The following SPRED1 variants were observed in gnomAD, a reference collection of about 807,000 sequenced individuals.
SPRED1 encodes the protein sprouty related EVH1 domain containing 1.
A neutral mutation model predicts 52.3 loss-of-function variants in SPRED1; 18 were observed. The ratio of observed to expected loss-of-function variants is 0.34; its 90% CI spans 0.24 to 0.51. The LOEUF is 0.51. SPRED1 is among the 20% of genes least tolerant of loss of function. SPRED1 has a pLI of 0.97. For synonymous variants in SPRED1, 155 were observed against 179.7 expected, an observed-to-expected ratio of 0.86 and a Z score of 1.10; for missense variants, 485 against 551.0, an observed-to-expected ratio of 0.88 and a Z score of 1.20.
intron 1 of SPRED1, among the ~76,000 whole-genome samples, chr15:38,274,949 G>T (rs1256388418): frequency 6.6e-6 from 1 of 152,196 alleles, no homozygotes; most frequent in Non-Finnish European, 1.5e-5. Flanking sequence ...TTAAGAAGAT[G>T]TTTGTTTTGC....
At position 38,274,470 on chromosome 15, in the gene SPRED1, A is replaced by G. The variant is rs111692262; in HGVS notation, c.32+21253A>G. ...TTGTGAGATTTATGAAACTACATAT[A>G]TATTTATTCTCACTTTGAAATAATT... On this transcript the variant is annotated intron_variant, in intron 1 of 6. Transcript: ENST00000299084. Among the ~76,000 whole-genome samples the G allele has an allele frequency of 4.2e-4, 64 of 152,234 alleles. 1 individual carries two copies. The highest frequency in any genetic ancestry group is 5.9e-4 in the Admixed American group (9 of 15,282).
intron 5 of SPRED1, 64 bp downstream of exon 5, chr15:38,339,959 G>C: frequency 1.3e-6 from 2 of 1,597,574 alleles, no homozygotes; most frequent in Non-Finnish European, 1.7e-6. Context: ...TGATGTCATA[G>C]ATAAGGACGT....
chr15:38,338,307 T>TTTG, intron 4 of SPRED1, among the ~76,000 whole-genome samples: 1 of 149,774 alleles, frequency 6.7e-6, no homozygotes, highest in East Asian at 1.9e-4. Context: ...TGTTTTGTTT[T>TTTG]TTTTCTCCCA....
intron 2 of SPRED1, among the ~76,000 whole-genome samples, chr15:38,318,818 T>C (rs955961367): frequency 1.5e-4 from 23 of 152,192 alleles, no homozygotes; most frequent in African/African-American, 5.3e-4. Context: ...TATAAGTATA[T>C]ACATACCACA....
At chr15:38,310,113 CTTTGTGTG>C in intron 2 of SPRED1, among the ~76,000 whole-genome samples, 1 of 24,268 alleles carries the variant, frequency 4.1e-5, no homozygotes, top group East Asian at 1.4e-3. Context: ...TTAGACTATT[CTTTGTGTG>C]TGTGTGTGTG....
chr15:38,332,540 T>C (rs533853437), intron 4 of SPRED1, among the ~76,000 whole-genome samples: 1 of 152,290 alleles, frequency 6.6e-6, no homozygotes, highest in African/African-American at 2.4e-5. Context: ...GCCACTGCAT[T>C]CCACCCTGGG....
Position 38,293,928 on chromosome 15 carries a change from A to G in SPRED1, c.33-5445A>G, listed in dbSNP as rs181620652. ...AATATGAATACTAGTAATCTCCTAT[A>G]TTCCCATTATGTGGTAATGTATCTT... On this transcript the variant is annotated intron_variant, in intron 1 of 6. Transcript: ENST00000299084. Among the ~76,000 whole-genome samples, 5 of 152,256 alleles carry G rather than the reference A, an allele frequency of 3.3e-5. No individual in the cohort carries two copies. In the East Asian group the frequency reaches 9.7e-4, roughly 29 times the overall value.
chr15:38,309,851 T>G (rs1895325384), intron 2 of SPRED1, among the ~76,000 whole-genome samples: 1 of 152,214 alleles, frequency 6.6e-6, no homozygotes, highest in African/African-American at 2.4e-5. Context: ...TTGAAAAGAT[T>G]GGATTCCTCC....
chr15:38,314,076 T>C (rs936074014), intron 2 of SPRED1, among the ~76,000 whole-genome samples: 4 of 151,898 alleles, frequency 2.6e-5, no homozygotes, highest in Non-Finnish European at 5.9e-5. Flanking sequence ...ATAACAGTTA[T>C]ATTTGTCAAG....
chr15:38,271,895 T>TA (rs1894442973), intron 1 of SPRED1, among the ~76,000 whole-genome samples: 1 of 152,148 alleles, frequency 6.6e-6, no homozygotes, highest in Non-Finnish European at 1.5e-5. Flanking sequence ...TTTCAACCCT[T>TA]ACTTCCCTCC....
intron 1 of SPRED1, among the ~76,000 whole-genome samples, chr15:38,259,876 T>C (rs16966536): frequency 0.12 from 18,413 of 152,196 alleles, 1,916 homozygotes; most frequent in East Asian, 0.54. Context: ...TCTGTGAGAT[T>C]GTGTTTTTGC....
In SPRED1 at chr15:38,355,418, G is replaced by A. The variant is rs1452172094; in HGVS notation, c.*3754G>A. ...TGTATAGTGCCATCTGATATCTTGGGTAAGTCTTGCTTTTTCTTTTCTTTT... is the reference window on the plus strand; with the variant it reads ...TGTATAGTGCCATCTGATATCTTGGATAAGTCTTGCTTTTTCTTTTCTTTT... On this transcript the variant is annotated 3_prime_UTR_variant, in exon 7 of 7. Coordinates refer to ENST00000299084, the MANE Select transcript of SPRED1 (RefSeq NM_152594.3). The A allele has an allele frequency of 6.6e-6, 1 of 152,162 alleles. No individual in the cohort carries two copies. The highest frequency in any genetic ancestry group is 2.4e-5 in the African/African-American group (1 of 41,430). The allele number at this position is 152,162 out of a possible 1,614,324, so 9.4% of individuals were successfully genotyped here. A position where few individuals can be genotyped will look rare whatever the true frequency, so the allele number is the denominator to read the frequency against.
intron 1 of SPRED1, among the ~76,000 whole-genome samples, chr15:38,282,345 G>GCACACACA (rs1566854071): frequency 5.9e-5 from 1 of 16,874 alleles, no homozygotes; most frequent in Non-Finnish European, 2.2e-4. Flanking sequence ...ACACACACAT[G>GCACACACA]CACACACACA....
chr15:38,256,336 C>T (rs1177886960), intron 1 of SPRED1, among the ~76,000 whole-genome samples: 3 of 152,074 alleles, frequency 2.0e-5, no homozygotes, highest in Non-Finnish European at 4.4e-5. Context: ...ATAGATATAA[C>T]TGTACCATAT....
At chr15:38,274,723 C>T (rs1359307383) in intron 1 of SPRED1, among the ~76,000 whole-genome samples, 2 of 152,152 alleles carry the variant, frequency 1.3e-5, no homozygotes, top group Non-Finnish European at 1.5e-5. Flanking sequence ...GTTGTCATGT[C>T]TCTTTAGTCT....
At chr15:38,332,960 AACAGGAC>A (rs1895834568) in intron 4 of SPRED1, among the ~76,000 whole-genome samples, 1 of 152,186 alleles carries the variant, frequency 6.6e-6, no homozygotes, top group Non-Finnish European at 1.5e-5. Context: ...TGGTGGAAAG[AACAGGAC>A]AGCACTCTGG....
At chr15:38,328,151 G>A (rs1262016181) in intron 4 of SPRED1, among the ~76,000 whole-genome samples, 1 of 152,166 alleles carries the variant, frequency 6.6e-6, no homozygotes, top group Non-Finnish European at 1.5e-5. Context: ...TTAAGGTGGT[G>A]TTTATATCGG....
At chr15:38,304,876 T>C (rs1011467242) in intron 2 of SPRED1, among the ~76,000 whole-genome samples, 2 of 152,214 alleles carry the variant, frequency 1.3e-5, no homozygotes, top group Non-Finnish European at 2.9e-5. Context: ...TTCAGTATTT[T>C]TTTATTGTTT....
chr15:38,273,269 T>C (rs1159848809), intron 1 of SPRED1, among the ~76,000 whole-genome samples: 1 of 152,178 alleles, frequency 6.6e-6, no homozygotes, highest in East Asian at 1.9e-4. Flanking sequence ...TCACCATGTG[T>C]AAATTACCTC....
Sources: allele counts gnomAD v4.1 joint callset (sites outside exome capture counted in the v4.1 genomes callset), GRCh38; gene constraint gnomAD v4.1.1; transcripts MANE v1.5; gene names NCBI Gene and HGNC (gene_info 2026-07-23, HGNC 2026-07-21).